The following PKD1L1 variants were observed in gnomAD, a reference collection of about 807,000 sequenced individuals.
PKD1L1 encodes polycystin 1 like 1, transient receptor potential channel interacting, also known as polycystin-1-like protein 1.
A neutral mutation model predicts 323.4 loss-of-function variants in PKD1L1; 236 were observed. The observed-to-expected ratio is 0.73, with a 90% CI of 0.66 to 0.81. The LOEUF is 0.81. Among genes scored for constraint, PKD1L1 ranks in the 40% least tolerant of loss-of-function variants. The probability of loss-of-function intolerance (pLI) is 0.00; values close to 1 mark genes in which losing one functional copy is unlikely to be tolerated. For synonymous variants in PKD1L1, 1,344 were observed against 1,335.0 expected (o/e 1.01, Z -0.15); for missense variants, 3,320 against 3,508.0 (o/e 0.95, Z 1.35).
At chr7:47,793,950 T>C (rs1262186180) in intron 55 of PKD1L1, among the ~76,000 whole-genome samples, 2 of 152,178 alleles carry the variant, frequency 1.3e-5, no homozygotes, top group African/African-American at 4.8e-5. Flanking sequence ...CCCTAGAGAT[T>C]TGTGGAACTT....
intron 13 of PKD1L1, among the ~76,000 whole-genome samples, chr7:47,901,880 TA>T (rs1266850500): frequency 8.5e-5 from 13 of 152,088 alleles, no homozygotes; most frequent in Admixed American, 6.5e-4. Context: ...ATGAAAGAAA[TA>T]AAAACCAACC....
At position 47,809,553 on chromosome 7, in the gene PKD1L1, T is replaced by A. The variant is rs564856165; in HGVS notation, c.7606A>T (p.Ile2536Phe). The A allele has an allele frequency of 1.2e-6, 2 of 1,605,164 alleles. No homozygotes were observed. The highest frequency in any genetic ancestry group is 1.7e-6 in the Non-Finnish European group (2 of 1,176,696). ...CGGTAGAGTTGAACACAGAGGTGGA[T>A]CAGGCTGAGTGCCAGGAAGACCAGC... ...PQLVFLALSL[I>F]HLCVQLYRMM... Residue 2536 changes from isoleucine to phenylalanine, a missense_variant, in exon 51 of 57, where the codon ATC (isoleucine) becomes TTC (phenylalanine). Ile to Phe is a conservative substitution (Grantham distance 21). Coordinates refer to ENST00000289672, the MANE Select transcript of PKD1L1 (RefSeq NM_138295.5).
At chr7:47,780,549 G>A (rs544070145) in intron 56 of PKD1L1, among the ~76,000 whole-genome samples, 98 of 152,020 alleles carry the variant, frequency 6.4e-4, no homozygotes, top group African/African-American at 2.1e-3. Flanking sequence ...TGAGAATCAC[G>A]TGAACCCGGG....
intron 24 of PKD1L1, 61 bp downstream of exon 24, chr7:47,873,838 G>C: frequency 7.6e-7 from 1 of 1,320,426 alleles, no homozygotes; most frequent in Admixed American, 2.0e-5. Context: ...TTGGGGGAGA[G>C]CCAACTCTGG....
At chr7:47,893,282 T>C (rs1014175472) in intron 15 of PKD1L1, among the ~76,000 whole-genome samples, 25 of 147,846 alleles carry the variant, frequency 1.7e-4, no homozygotes, top group Admixed American at 4.7e-4. Context: ...CCTGAGCAAC[T>C]GGAAAGGTCC....
In PKD1L1 at chr7:47,943,395, C is replaced by T. The variant is rs753911740; in HGVS notation, c.160+1G>A. ...CCATGCCTCCTTCCCCAAGGCCTTA[C>T]CGACCCACAATCCACCTCCAGGAGG... On this transcript the variant is annotated splice_donor_variant, in intron 2 of 56. Coordinates refer to ENST00000289672, the MANE Select transcript of PKD1L1 (RefSeq NM_138295.5). LOFTEE classifies it high-confidence loss of function. The T allele has an allele frequency of 7.4e-6, 12 of 1,612,158 alleles. No homozygotes were observed. The South Asian group carries it at 1.2e-4, about 16-fold the overall frequency.
chr7:47,959,413 T>C, the PKD1L1 span, among the ~76,000 whole-genome samples: 1 of 145,264 alleles, frequency 6.9e-6, no homozygotes, highest in African/African-American at 2.5e-5. Context: ...ATCTAGGAAG[T>C]GAGGAGCGTC....
Position 47,843,151 on chromosome 7 carries a change from A to G in PKD1L1, c.5256T>C (p.Leu1752=), listed in dbSNP as rs758691296. 1 of 1,611,654 alleles carries G rather than the reference A, an allele frequency of 6.2e-7. No homozygotes were observed. Among genetic ancestry groups the G allele is most frequent in the South Asian group, 1.1e-5 (1 of 90,416 alleles). The change falls in exon 34 of 57, where the codon CTT becomes CTC. Residue 1752 remains leucine (L), a synonymous_variant. Transcript: ENST00000289672. ...SKLQSHPENL[L]PSIFIMGSVI... ...CAGAACCCATAATAAAAATACTGGG[A>G]AGCAAGTTTTCTGGGTGGCTATAAA... is the stretch of plus-strand genomic sequence containing the variant.
chr7:47,834,320 C>T lies in PKD1L1; in HGVS notation c.6174+19G>A, dbSNP rs766129738. 3.5e-5 allele frequency: 56 copies of T among 1,609,934 alleles called. No individual in the cohort carries two copies. Among genetic ancestry groups the T allele is most frequent in the Admixed American group, 6.7e-5 (4 of 59,988 alleles). On this transcript the variant is annotated intron_variant, in intron 40 of 56. Coordinates refer to ENST00000289672, the MANE Select transcript of PKD1L1 (RefSeq NM_138295.5). ...TTTCATGCTAGAAGATTAGCTGCTG[C>T]GCATAATGATTGATTTACCTTGCGT... is the stretch of plus-strand genomic sequence containing the variant.
chr7:47,957,416 T>C, the PKD1L1 span: 1 of 152,172 alleles, frequency 6.6e-6, no homozygotes, highest in African/African-American at 2.4e-5. Flanking sequence ...CGATCATAAG[T>C]AGAGAAAATC....
chr7:47,953,171 G>A (rs1432976521), upstream of PKD1L1, among the ~76,000 whole-genome samples: 4 of 152,120 alleles, frequency 2.6e-5, no homozygotes, highest in African/African-American at 9.7e-5. Context: ...ATAGGGAATT[G>A]CCATAACCAC....
intron 45 of PKD1L1, among the ~76,000 whole-genome samples, chr7:47,826,805 T>C (rs1785247177): frequency 6.6e-6 from 1 of 152,218 alleles, no homozygotes; most frequent in South Asian, 2.1e-4. Flanking sequence ...TTAAGGTTTG[T>C]GTTTTATCTA....
the PKD1L1 span, among the ~76,000 whole-genome samples, chr7:47,955,336 G>A: frequency 6.6e-6 from 1 of 152,048 alleles, no homozygotes; most frequent in Admixed American, 6.6e-5. Context: ...AATGTGTAAG[G>A]CACTCAAGTA....
At chr7:47,843,693 C>T (rs919656060) in intron 33 of PKD1L1, among the ~76,000 whole-genome samples, 2 of 152,120 alleles carry the variant, frequency 1.3e-5, no homozygotes, top group Non-Finnish European at 2.9e-5. Context: ...TACCTGTTCC[C>T]AGGCACCAAC....
At chr7:47,843,331 C>T (rs1169681018) in intron 33 of PKD1L1, among the ~76,000 whole-genome samples, 162 bp from the exon 34 acceptor site, 1 of 152,126 alleles carries the variant, frequency 6.6e-6, no homozygotes, top group East Asian at 1.9e-4. Context: ...GCTTTGAAGG[C>T]AGGGAGCTGG....
chr7:47,802,883 A>C (rs1185991215), intron 53 of PKD1L1, among the ~76,000 whole-genome samples: 1 of 152,260 alleles, frequency 6.6e-6, no homozygotes, highest in African/African-American at 2.4e-5. Flanking sequence ...GAAGTAATCT[A>C]TGAGAGGCCC....
At chr7:47,936,500 G>T (rs1289996809) in intron 4 of PKD1L1, among the ~76,000 whole-genome samples, 1 of 152,180 alleles carries the variant, frequency 6.6e-6, no homozygotes, top group Non-Finnish European at 1.5e-5. Context: ...AAGTCTGTAT[G>T]TTATGCACCA....
chr7:47,902,662 G>C, intron 12 of PKD1L1, 151 bp from the exon 13 acceptor site: 1 of 1,025,650 alleles, frequency 9.7e-7, no homozygotes, highest in Non-Finnish European at 1.4e-6. Flanking sequence ...AGGGTCACAA[G>C]ACTGATTTCC....
Position 47,937,234 on chromosome 7 carries a change from G to A in PKD1L1, c.286-276C>T, listed in dbSNP as rs62447088. On this transcript the variant is annotated intron_variant, in intron 3 of 56. Coordinates refer to ENST00000289672, the MANE Select transcript of PKD1L1 (RefSeq NM_138295.5). ...AAGAATAGAGCTGCAGGAGGGATTC[G>A]TGCGGGGTCGGGACGGGGTGGGGGT... is the stretch of plus-strand genomic sequence containing the variant. 0.12 allele frequency among the ~76,000 whole-genome samples: 16,312 copies of A among 133,888 alleles called. 1,129 individuals are homozygous for A. The highest frequency in any genetic ancestry group is 0.24 in the East Asian group (986 of 4,058). The allele number at this position is 133,888 out of a possible 152,430, so 87.8% of individuals were successfully genotyped here. A position where few individuals can be genotyped will look rare whatever the true frequency, so the allele number is the denominator to read the frequency against.
Sources: gnomAD v4.1 joint callset for allele counts (sites outside exome capture counted in the v4.1 genomes callset) on GRCh38, gnomAD v4.1.1 for gene constraint, MANE v1.5 for transcripts, NCBI Gene and HGNC (gene_info 2026-07-23, HGNC 2026-07-21) for gene names.